Variants in SGCD observed in about 807,000 individuals in gnomAD.
SGCD encodes delta-sarcoglycan.
SGCD carries 18 observed loss-of-function variants against 36.6 expected under a neutral mutation model. That is an observed-to-expected ratio of 0.49 (90% CI 0.34 to 0.73). The LOEUF (loss-of-function observed/expected upper bound fraction) is 0.73, where lower values mean the gene tolerates loss of function less well. SGCD is among the 30% of genes least tolerant of loss of function. The pLI is 0.01. For synonymous variants in SGCD, 133 were observed against 130.6 expected (o/e 1.02, Z -0.12); for missense variants, 387 against 346.7 (o/e 1.12, Z -0.92).
chr5:156,644,242 C>T (rs764585648), intron 6 of SGCD, among the ~76,000 whole-genome samples: 13 of 152,056 alleles, frequency 8.5e-5, no homozygotes, highest in Non-Finnish European at 1.9e-4. Context: ...ATTTTTGTGT[C>T]TAGTGTTTCT....
chr5:156,625,810 G>A (rs1397135247), intron 6 of SGCD, among the ~76,000 whole-genome samples: 3 of 152,192 alleles, frequency 2.0e-5, no homozygotes, highest in African/African-American at 7.2e-5. Context: ...TAGGTTGTTT[G>A]ATGCTTAATA....
At chr5:156,160,984 A>T (rs1156590559) in intron 3 of SGCD, among the ~76,000 whole-genome samples, 1 of 151,770 alleles carries the variant, frequency 6.6e-6, no homozygotes, top group Non-Finnish European at 1.5e-5. Context: ...CTATACGTAA[A>T]TGAATGGCTG....
chr5:156,087,632 C>T (rs903390678), intron 1 of SGCD, among the ~76,000 whole-genome samples: 1 of 126,004 alleles, frequency 7.9e-6, no homozygotes, highest in Non-Finnish European at 1.6e-5. Context: ...AAGAGTGAAA[C>T]TCCATCTCAA....
intron 3 of SGCD, among the ~76,000 whole-genome samples, chr5:156,399,919 A>G (rs567864765): frequency 6.6e-6 from 1 of 152,258 alleles, no homozygotes; most frequent in South Asian, 2.1e-4. Context: ...TGTGATGAAA[A>G]TATTTTTGCT....
intron 1 of SGCD, among the ~76,000 whole-genome samples, chr5:155,931,059 G>C (rs559579568): frequency 6.6e-6 from 1 of 152,016 alleles, no homozygotes; most frequent in African/African-American, 2.4e-5. Context: ...TTTATAAATG[G>C]TTGCATGGGT....
chr5:156,486,083 C>A (rs1189466751), intron 3 of SGCD, among the ~76,000 whole-genome samples: 1 of 152,092 alleles, frequency 6.6e-6, no homozygotes, highest in African/African-American at 2.4e-5. Context: ...AGCATGATGC[C>A]ATTTTGAGAT....
chr5:156,363,993 T>C (rs4068396), intron 3 of SGCD, among the ~76,000 whole-genome samples: 61,688 of 151,892 alleles, frequency 0.41, 13,419 homozygotes, highest in East Asian at 0.79. Context: ...ATTATGATCA[T>C]TGGCTTGGTG....
At chr5:156,383,970 A>G (rs1397507141) in intron 3 of SGCD, among the ~76,000 whole-genome samples, 1 of 152,226 alleles carries the variant, frequency 6.6e-6, no homozygotes, top group Non-Finnish European at 1.5e-5. Flanking sequence ...ACTGAATGTC[A>G]AGTCTTCTCT....
At chr5:156,110,970 A>T (rs187165770) in intron 1 of SGCD, among the ~76,000 whole-genome samples, 2 of 152,284 alleles carry the variant, frequency 1.3e-5, no homozygotes, top group East Asian at 3.9e-4. Context: ...GAGAAGAATG[A>T]GAGAGACAAT....
chr5:155,930,051 A>G (rs1378583327), intron 1 of SGCD, among the ~76,000 whole-genome samples: 1 of 152,124 alleles, frequency 6.6e-6, no homozygotes, highest in Non-Finnish European at 1.5e-5. Context: ...TATACCACCA[A>G]TGAGGTCTCA....
At chr5:156,479,900 C>A (rs982825826) in intron 3 of SGCD, among the ~76,000 whole-genome samples, 18 of 152,222 alleles carry the variant, frequency 1.2e-4, no homozygotes, top group African/African-American at 4.1e-4. Flanking sequence ...AAGTTACCCG[C>A]TTTGACCTGA....
chr5:156,416,012 TAC>T (rs950088563), intron 3 of SGCD, among the ~76,000 whole-genome samples: 1 of 152,224 alleles, frequency 6.6e-6, no homozygotes, highest in African/African-American at 2.4e-5. Context: ...TTAGAGCAAT[TAC>T]AGTTATTCCA....
chr5:156,430,994 T>A (rs1033374042), intron 3 of SGCD, among the ~76,000 whole-genome samples: 2 of 152,250 alleles, frequency 1.3e-5, no homozygotes, highest in African/African-American at 2.4e-5. Context: ...AGGGACTGGT[T>A]GTAGATAAGG....
At chr5:156,327,420 C>G (rs1316494965) in intron 1 of SGCD, among the ~76,000 whole-genome samples, 188 bp downstream of exon 1, 1 of 152,166 alleles carries the variant, frequency 6.6e-6, no homozygotes, top group African/African-American at 2.4e-5. Context: ...CCTTTAAGGT[C>G]TGATTTTCAG....
chr5:156,734,730 C>T (rs1756260264), intron 7 of SGCD, among the ~76,000 whole-genome samples: 1 of 152,164 alleles, frequency 6.6e-6, no homozygotes. Context: ...GCATTCCTCT[C>T]TATACTGGCT....
chr5:155,743,181 A>G, the SGCD span, among the ~76,000 whole-genome samples: 3 of 152,156 alleles, frequency 2.0e-5, no homozygotes, highest in Non-Finnish European at 2.9e-5. Context: ...TCTCCTTTCC[A>G]TGTGATTATA....
chr5:155,971,749 A>T (rs1440458361), intron 1 of SGCD, among the ~76,000 whole-genome samples: 4 of 152,110 alleles, frequency 2.6e-5, no homozygotes, highest in Non-Finnish European at 5.9e-5. Flanking sequence ...AGTGTCCTAT[A>T]GTTTACAATT....
intron 3 of SGCD, among the ~76,000 whole-genome samples, chr5:156,185,886 G>GAGAGAGAGAGAGAGAGAGA (rs1465933664): frequency 1.1e-4 from 2 of 17,574 alleles, no homozygotes; most frequent in African/African-American, 2.3e-4. Flanking sequence ...GAGAGAGAGA[G>GAGAGAGAGAGAGAGAGAGA]GGCCATGTCT....
At position 156,032,706 on chromosome 5, in the gene SGCD, C is replaced by CAAAAAAAAAAAAAAAAAAAA. The variant is rs1171072619; in HGVS notation, c.-281-85161_-281-85142dup. ...TGGGCGACAGAGCAAGACTCCGTCT[C>CAAAAAAAAAAAAAAAAAAAA]AAAAAAAAAAAAAAAAAAAAAAAAA... On this transcript the variant is annotated intron_variant, in intron 1 of 9. Transcript: ENST00000517913. 4.6e-4 allele frequency among the ~76,000 whole-genome samples: 7 copies of CAAAAAAAAAAAAAAAAAAAA among 15,062 alleles called. 2 individuals are homozygous for CAAAAAAAAAAAAAAAAAAAA. The highest frequency in any genetic ancestry group is 1.0e-3 in the African/African-American group (7 of 6,704). 9.9% of individuals were successfully genotyped at this position (15,062 alleles called of 152,430 possible).
Sources: gnomAD v4.1 joint callset for allele counts (sites outside exome capture counted in the v4.1 genomes callset) on GRCh38, gnomAD v4.1.1 for gene constraint, MANE v1.5 for transcripts, NCBI Gene and HGNC (gene_info 2026-07-23, HGNC 2026-07-21) for gene names.